LAMB1: variants seen among roughly 807,000 people sequenced by gnomAD.
LAMB1 encodes the protein laminin subunit beta 1, also known as laminin subunit beta-1.
In LAMB1, 121 loss-of-function variants were observed where a neutral mutation model predicts 222.3. That is an observed-to-expected ratio of 0.54 (90% CI 0.47 to 0.63). The LOEUF (loss-of-function observed/expected upper bound fraction) is 0.63, where lower values mean the gene tolerates loss of function less well. LAMB1 is among the 30% of genes least tolerant of loss of function. The pLI, the probability that LAMB1 is intolerant of heterozygous loss-of-function variation, is 0.00. For synonymous variants in LAMB1, 794 were observed against 807.2 expected, an observed-to-expected ratio of 0.98 and a Z score of 0.28; for missense variants, 2,172 against 2,240.8, an observed-to-expected ratio of 0.97 and a Z score of 0.62.
At chr7:107,962,355 C>T (rs1297888266) in intron 15 of LAMB1, among the ~76,000 whole-genome samples, 1 of 152,198 alleles carries the variant, frequency 6.6e-6, no homozygotes, top group Non-Finnish European at 1.5e-5. Context: ...ATCACCACCT[C>T]AGTCGTCAGC....
intron 5 of LAMB1, among the ~76,000 whole-genome samples, chr7:107,994,601 G>A (rs1164533447): frequency 6.6e-6 from 1 of 152,152 alleles, no homozygotes; most frequent in Non-Finnish European, 1.5e-5. Flanking sequence ...TTGGAAAAGG[G>A]TCAACACTGC....
chr7:108,001,501 T>G, intron 3 of LAMB1, 57 bp downstream of exon 3: 1 of 1,502,142 alleles, frequency 6.7e-7, no homozygotes, highest in Non-Finnish European at 9.0e-7. Context: ...GCCTGCCCCT[T>G]AGGTCTGGAC....
intron 7 of LAMB1, among the ~76,000 whole-genome samples, chr7:107,984,809 T>C (rs2034042351): frequency 6.6e-6 from 1 of 152,226 alleles, no homozygotes; most frequent in Admixed American, 6.5e-5. Context: ...ACCACAAATA[T>C]TGCATGAGAC....
intron 2 of LAMB1, chr7:108,002,213 G>C (rs2034403549): frequency 2.2e-6 from 3 of 1,354,674 alleles, no homozygotes; most frequent in Non-Finnish European, 2.9e-6. Context: ...TGGGAAGCGA[G>C]AGTGCGTGTG....
intron 23 of LAMB1, 57 bp downstream of exon 23, chr7:107,951,952 C>CTA: frequency 5.5e-6 from 8 of 1,465,834 alleles, no homozygotes; most frequent in Non-Finnish European, 7.4e-6. Context: ...GGGGCAAAGT[C>CTA]ACCATGGGCT....
In LAMB1 at chr7:107,931,469, G is replaced by C. The variant is rs143261373; in HGVS notation, c.4424C>G (p.Ala1475Gly). 3.1e-6 allele frequency: 5 copies of C among 1,613,260 alleles called. No individual in the cohort carries two copies. The highest frequency in any genetic ancestry group is 4.2e-6 in the Non-Finnish European group (5 of 1,179,764). The change falls in exon 29 of 34, where the codon GCA becomes GGA. Residue 1475 changes from alanine (A) to glycine (G), a missense_variant. Coordinates refer to ENST00000222399, the MANE Select transcript of LAMB1 (RefSeq NM_002291.3). ...CAGAATGTCTTCAGCACTTTGTTTT[G>C]CCTCATCTGCCCTCAGTTTTGCTTC... Reference protein sequence around the residue: ...VSEAKLRADEAKQSAEDILLK... With the variant: ...VSEAKLRADEGKQSAEDILLK...
At chr7:107,931,199 A>G (rs976358224) in intron 29 of LAMB1, among the ~76,000 whole-genome samples, 157 bp downstream of exon 29, 24 of 152,316 alleles carry the variant, frequency 1.6e-4, no homozygotes, top group Middle Eastern at 3.4e-3. Flanking sequence ...TTTGATACAC[A>G]TATATAAGTT....
rs3213673 is a variant in LAMB1 at position 107,924,094 on chromosome 7, G to A, written c.5225-7C>T. The A allele has an allele frequency of 0.55, 798,955 of 1,448,386 alleles. 209,408 individuals carry two copies. The highest frequency in any genetic ancestry group is 0.8 in the East Asian group (30,860 of 38,450). 89.7% of individuals were successfully genotyped at this position (1,448,386 alleles called of 1,614,324 possible). A position where few individuals can be genotyped will look rare whatever the true frequency, so the allele number is the denominator to read the frequency against. On this transcript the variant is annotated splice_region_variant and splice_polypyrimidine_tract_variant and intron_variant, in intron 33 of 33. Coordinates refer to ENST00000222399, the MANE Select transcript of LAMB1 (RefSeq NM_002291.3). ...TCATATTTTCTTTCTAAATCTGTGG[G>A]GAGATATATATATATAAAGTCTGAG...
Position 107,959,906 on chromosome 7 carries a change from C to G in LAMB1, c.2315-72G>C. 3 of 1,520,644 alleles carry G rather than the reference C, an allele frequency of 2.0e-6. No homozygotes were observed. The South Asian group carries it at 3.7e-5, about 19-fold the overall frequency. The allele number at this position is 1,520,644 out of a possible 1,614,324, so 94.2% of individuals were successfully genotyped here. On this transcript the variant is annotated intron_variant, in intron 18 of 33. Transcript: ENST00000222399. ...ATCGGGCTCTCCCTGATCCTTTCTCCTTTAACTACTTTGGATTATTCAGAG... is the reference window on the plus strand; with the variant it reads ...ATCGGGCTCTCCCTGATCCTTTCTCGTTTAACTACTTTGGATTATTCAGAG...
intron 9 of LAMB1, 39 bp downstream of exon 9, chr7:107,978,008 C>G (rs767298959): frequency 1.9e-6 from 3 of 1,612,276 alleles, no homozygotes; most frequent in South Asian, 1.1e-5. Flanking sequence ...GATACTAGAG[C>G]CTGAATGGAT....
chr7:107,940,608 C>T, intron 24 of LAMB1: 1 of 499,918 alleles, frequency 2.0e-6, no homozygotes, highest in Non-Finnish European at 3.6e-6. Context: ...TCCCATTTAA[C>T]TCTCACAATA....
intron 10 of LAMB1, 138 bp from the exon 11 acceptor site, chr7:107,975,551 T>C: frequency 8.2e-7 from 1 of 1,221,394 alleles, no homozygotes; most frequent in Non-Finnish European, 1.1e-6. Context: ...TAAATTCCAC[T>C]CCCAGCGTCT....
rs746535619 is a variant in LAMB1 at position 107,975,402 on chromosome 7, C to T, written c.1201G>A (p.Asp401Asn). 8.7e-6 allele frequency: 14 copies of T among 1,612,310 alleles called. No individual in the cohort carries two copies. In the East Asian group the frequency reaches 1.6e-4, roughly 18 times the overall value. Residue 401 changes from aspartate to asparagine, a missense_variant, in exon 11 of 34, where the codon GAC (aspartate) becomes AAC (asparagine). Asp to Asn is a conservative substitution (Grantham distance 23). Coordinates refer to ENST00000222399, the MANE Select transcript of LAMB1 (RefSeq NM_002291.3). Reference protein sequence around the residue: ...DPNFCERCTCDPAGSQNEGIC... With the variant: ...DPNFCERCTCNPAGSQNEGIC... ...CCCTCATTTTGAGAGCCAGCTGGGTCACACGTACATCCTGAGAAGAATGCA... is the reference window on the plus strand; with the variant it reads ...CCCTCATTTTGAGAGCCAGCTGGGTTACACGTACATCCTGAGAAGAATGCA...
chr7:107,977,526 C>T (rs1198320192), intron 9 of LAMB1, among the ~76,000 whole-genome samples: 3 of 152,170 alleles, frequency 2.0e-5, no homozygotes, highest in Non-Finnish European at 4.4e-5. Flanking sequence ...TGGCTCACAT[C>T]TGTAAACTCC....
At chr7:107,972,460 A>G (rs1170539299) in intron 13 of LAMB1, among the ~76,000 whole-genome samples, 1 of 152,214 alleles carries the variant, frequency 6.6e-6, no homozygotes, top group Non-Finnish European at 1.5e-5. Flanking sequence ...CAGATTTAAC[A>G]TCTTGCCAAA....
At chr7:107,933,059 GT>G (rs1438967543) in intron 27 of LAMB1, among the ~76,000 whole-genome samples, 1 of 152,200 alleles carries the variant, frequency 6.6e-6, no homozygotes, top group African/African-American at 2.4e-5. Flanking sequence ...TAGATGAAGT[GT>G]TCCCAAATTA....
intron 27 of LAMB1, chr7:107,932,765 C>A (rs1317952): frequency 0.048 from 11,659 of 244,080 alleles, 1,288 homozygotes; most frequent in African/African-American, 0.24. Context: ...ATCTTTGGGA[C>A]CAGCACCAGC....
At chr7:107,951,926 G>C in intron 23 of LAMB1, 83 bp downstream of exon 23, 1 of 1,167,550 alleles carries the variant, frequency 8.6e-7, no homozygotes, top group South Asian at 1.5e-5. Context: ...GTGTGCCCTG[G>C]TGCCTTGCTC....
At chr7:107,996,794 G>A (rs1258311264) in intron 4 of LAMB1, among the ~76,000 whole-genome samples, 1 of 152,210 alleles carries the variant, frequency 6.6e-6, no homozygotes, top group African/African-American at 2.4e-5. Context: ...ACTGTCTGCT[G>A]ACTAAAATGG....
Sources: allele counts gnomAD v4.1 joint callset (sites outside exome capture counted in the v4.1 genomes callset), GRCh38; gene constraint gnomAD v4.1.1; transcripts MANE v1.5; gene names NCBI Gene and HGNC (gene_info 2026-07-23, HGNC 2026-07-21).